PCCB: variants seen among roughly 807,000 people sequenced by gnomAD.
PCCB encodes propionyl-CoA carboxylase subunit beta.
In PCCB, 43 loss-of-function variants were observed where a neutral mutation model predicts 60.7. The observed-to-expected ratio is 0.71, with a 90% CI of 0.55 to 0.91. The LOEUF is 0.91. Ranked by LOEUF, PCCB falls within the 40% of genes least tolerant of loss-of-function variation. The pLI, the probability that PCCB is intolerant of heterozygous loss-of-function variation, is 0.00. For synonymous variants in PCCB, 276 were observed against 255.9 expected (o/e 1.08, Z -0.75); for missense variants, 766 against 702.8 (o/e 1.09, Z -1.02).
At chr3:136,285,724 A>G (rs1933371743) in intron 6 of PCCB, among the ~76,000 whole-genome samples, 1 of 152,174 alleles carries the variant, frequency 6.6e-6, no homozygotes, top group South Asian at 2.1e-4. Context: ...ACATGATTCC[A>G]TTCAGACTCT....
At chr3:136,294,475 C>A (rs1485577158) in intron 7 of PCCB, among the ~76,000 whole-genome samples, 1 of 151,752 alleles carries the variant, frequency 6.6e-6, no homozygotes, top group African/African-American at 2.4e-5. Flanking sequence ...CCACACCCAG[C>A]AAATTTTTTT....
chr3:136,328,116 C>T (rs915692945), intron 13 of PCCB, among the ~76,000 whole-genome samples: 16 of 152,330 alleles, frequency 1.1e-4, no homozygotes, highest in Admixed American at 3.9e-4. Flanking sequence ...GGCCCCAGAG[C>T]TACTCTTTTA....
intron 8 of PCCB, among the ~76,000 whole-genome samples, chr3:136,299,581 T>A (rs1471087609): frequency 9.0e-6 from 1 of 111,104 alleles, no homozygotes; most frequent in Non-Finnish European, 1.9e-5. Flanking sequence ...CATGTGTATG[T>A]ATAGGTATGC....
chr3:136,320,834 C>T (rs1292623216), intron 10 of PCCB, among the ~76,000 whole-genome samples: 1 of 152,090 alleles, frequency 6.6e-6, no homozygotes, highest in Non-Finnish European at 1.5e-5. Context: ...TGTCTAATTG[C>T]TCTGGCAAGA....
intron 8 of PCCB, among the ~76,000 whole-genome samples, chr3:136,299,914 ATATG>A (rs1423747196): frequency 2.0e-5 from 3 of 151,738 alleles, no homozygotes; most frequent in African/African-American, 7.3e-5. Flanking sequence ...GTATGCATGT[ATATG>A]TATGCATATG....
chr3:136,259,349 C>T, intron 3 of PCCB: 1 of 390,432 alleles, frequency 2.6e-6, no homozygotes, highest in Non-Finnish European at 4.5e-6. Context: ...CCTGTAATCC[C>T]AGCTACTCGG....
chr3:136,327,063 C>G, intron 11 of PCCB, 92 bp from the exon 12 acceptor site: 1 of 1,284,730 alleles, frequency 7.8e-7, no homozygotes, highest in Non-Finnish European at 1.1e-6. Context: ...AGGAATGGCC[C>G]TCTCCAGAGG....
At chr3:136,300,866 G>A (rs1376647918) in intron 8 of PCCB, among the ~76,000 whole-genome samples, 164 bp from the exon 9 acceptor site, 1 of 152,170 alleles carries the variant, frequency 6.6e-6, no homozygotes, top group African/African-American at 2.4e-5. Flanking sequence ...TTAATATGGT[G>A]GTTAAAAAGG....
intron 9 of PCCB, among the ~76,000 whole-genome samples, chr3:136,307,828 A>G (rs1429665710): frequency 6.6e-6 from 1 of 151,836 alleles, no homozygotes; most frequent in Non-Finnish European, 1.5e-5. Context: ...ATACAAAATT[A>G]GCCAGGTGTG....
intron 5 of PCCB, among the ~76,000 whole-genome samples, chr3:136,268,120 A>ATATATG (rs1942082848): frequency 8.1e-6 from 1 of 124,092 alleles, no homozygotes; most frequent in East Asian, 2.3e-4. Context: ...ATATATATAT[A>ATATATG]TGTATATATA....
In PCCB at chr3:136,270,523, G is replaced by T. The variant is rs373160425; in HGVS notation, c.543+8458G>T. On this transcript the variant is annotated intron_variant, in intron 5 of 14. Transcript: ENST00000251654. Reference sequence around the variant, plus strand: ...TTTTGACATTTTTTTTTTTCCCGCTGTAGGCAGAGTCTTGCTCTGTTTCTC... The same window carrying T: ...TTTTGACATTTTTTTTTTTCCCGCTTTAGGCAGAGTCTTGCTCTGTTTCTC... Among the ~76,000 whole-genome samples, 31 of 151,722 alleles carry T rather than the reference G, an allele frequency of 2.0e-4. No homozygotes were observed. In the East Asian group the frequency reaches 3.1e-3, roughly 15 times the overall value.
intron 10 of PCCB, among the ~76,000 whole-genome samples, chr3:136,320,487 G>A (rs539068293): frequency 1.1e-4 from 17 of 152,048 alleles, no homozygotes; most frequent in African/African-American, 2.4e-4. Flanking sequence ...TTTCTTTTTC[G>A]GATTGTTCAT....
chr3:136,327,172 G>C lies in PCCB; in HGVS notation c.1216G>C (p.Gly406Arg), dbSNP rs773738403. The C allele has an allele frequency of 6.2e-7, 1 of 1,613,840 alleles. No homozygotes were observed. ...GFLPGTAQEY[G>R]GIIRHGAKLL... is the part of the protein sequence containing the mutation. ...ATGTCTAGGCACAGCACAGGAATAC[G>C]GGGGCATCATCCGGCATGGTGCCAA... The change falls in exon 12 of 15, where the codon GGG becomes CGG. Residue 406 changes from glycine (G) to arginine (R), a missense_variant. Gly to Arg is a moderately radical substitution (Grantham distance 125). Transcript: ENST00000251654.
At chr3:136,321,467 A>T (rs929942331) in intron 10 of PCCB, among the ~76,000 whole-genome samples, 1 of 152,230 alleles carries the variant, frequency 6.6e-6, no homozygotes, top group African/African-American at 2.4e-5. Flanking sequence ...GAAACTTACA[A>T]TCATGGTGGA....
At chr3:136,250,906 A>G (rs1330469997) in intron 1 of PCCB, among the ~76,000 whole-genome samples, 1 of 152,236 alleles carries the variant, frequency 6.6e-6, no homozygotes, top group Non-Finnish European at 1.5e-5. Context: ...GACCATAGAT[A>G]GCAAAATGAT....
chr3:136,273,597 C>T (rs199815014), intron 5 of PCCB, among the ~76,000 whole-genome samples: 3,265 of 44,312 alleles, frequency 0.074, 2 homozygotes, highest in Middle Eastern at 0.18. Flanking sequence ...TTTCTTTTTT[C>T]TTTTTTTTTT....
chr3:136,265,654 G>GAT (rs1170428107), intron 5 of PCCB, among the ~76,000 whole-genome samples: 3 of 152,168 alleles, frequency 2.0e-5, no homozygotes, highest in Non-Finnish European at 4.4e-5. Context: ...CCCTTGGATA[G>GAT]ATAGGTACCT....
At chr3:136,274,556 C>T (rs185635481) in intron 5 of PCCB, among the ~76,000 whole-genome samples, 78 of 152,266 alleles carry the variant, frequency 5.1e-4, no homozygotes, top group Non-Finnish European at 3.4e-4. Context: ...TCTTAGGATT[C>T]TTTCCTTCAT....
chr3:136,286,383 A>G (rs528324178), intron 6 of PCCB, among the ~76,000 whole-genome samples: 1 of 152,336 alleles, frequency 6.6e-6, no homozygotes, highest in East Asian at 1.9e-4. Context: ...CTCCAGGATT[A>G]TATTTTTAAG....
Sources: gnomAD v4.1 joint callset for allele counts (sites outside exome capture counted in the v4.1 genomes callset) on GRCh38, gnomAD v4.1.1 for gene constraint, MANE v1.5 for transcripts, NCBI Gene and HGNC (gene_info 2026-07-23, HGNC 2026-07-21) for gene names.